Variants in PAPOLG observed in about 807,000 individuals in gnomAD.
The protein encoded by PAPOLG is poly(A) polymerase gamma.
Under a neutral mutation model 99.0 loss-of-function variants are expected in PAPOLG, and 40 were observed. The observed-to-expected ratio is 0.40, with a 90% CI of 0.31 to 0.53. The LOEUF is 0.53. Among genes scored for constraint, PAPOLG ranks in the 20% least tolerant of loss-of-function variants. The probability of loss-of-function intolerance (pLI) is 0.41; values close to 1 mark genes in which losing one functional copy is unlikely to be tolerated. For synonymous variants in PAPOLG, 310 were observed against 299.3 expected (o/e 1.04, Z -0.37); for missense variants, 675 against 884.1 (o/e 0.76, Z 3.00).
chr2:60,768,655 C>A, intron 4 of PAPOLG, 104 bp downstream of exon 4: 1 of 1,319,950 alleles, frequency 7.6e-7, no homozygotes. Flanking sequence ...CTACTTAGAG[C>A]TAATCATTGT....
chr2:60,765,904 A>G (rs1382169110), intron 3 of PAPOLG, among the ~76,000 whole-genome samples: 7 of 152,280 alleles, frequency 4.6e-5, no homozygotes, highest in Non-Finnish European at 8.8e-5. Flanking sequence ...TCTTGAGCCT[A>G]AGAGTTCAAG....
chr2:60,796,388 C>G (rs1273349305), intron 21 of PAPOLG, among the ~76,000 whole-genome samples: 1 of 151,982 alleles, frequency 6.6e-6, no homozygotes. Context: ...ATTCGCCCGC[C>G]TTGGCCTCCC....
chr2:60,760,334 T>C (rs1449997523), intron 2 of PAPOLG, 39 bp downstream of exon 2: 2 of 1,531,768 alleles, frequency 1.3e-6, no homozygotes, highest in Non-Finnish European at 9.0e-7. Context: ...GACAGTGCAT[T>C]ATTTAATCAT....
At chr2:60,770,658 C>T in intron 6 of PAPOLG, 147 bp downstream of exon 6, 1 of 540,890 alleles carries the variant, frequency 1.8e-6, no homozygotes, top group Non-Finnish European at 3.2e-6. Context: ...GGGTCTAACT[C>T]TATGGCCAAG....
Position 60,791,816 on chromosome 2 carries a change from A to C in PAPOLG, c.1452A>C (p.Ala484=), listed in dbSNP as rs1418072003. The part of the protein sequence containing the change: ...NMLKEGMKIE[A]THVKKKQLHH... ...TAAAGGAGGGAATGAAAATTGAAGC[A>C]ACTCATGTAAAGAAAAAACAACTTC... The change falls in exon 16 of 22, where the codon GCA becomes GCC. Residue 484 remains alanine, a synonymous_variant. Transcript: ENST00000238714. 6.2e-7 allele frequency: 1 copy of C among 1,613,868 alleles called. No individual in the cohort carries two copies. The highest frequency in any genetic ancestry group is 1.7e-5 in the Admixed American group (1 of 59,940).
chr2:60,795,323 C>T (rs1290582544), intron 21 of PAPOLG: 1 of 521,456 alleles, frequency 1.9e-6, no homozygotes, highest in South Asian at 1.5e-5. Context: ...TAATTTCTTA[C>T]CAAGCACCTG....
rs760249663 is a variant in PAPOLG, at chr2:60,793,649, G to A, written c.1702G>A (p.Val568Ile). ...TAGGAATAGTGCTGAGCCTGCTGCTGTAATTGTGGAGAAGCCACTGAGTGT... is the reference window on the plus strand; with the variant it reads ...TAGGAATAGTGCTGAGCCTGCTGCTATAATTGTGGAGAAGCCACTGAGTGT... ...TERNSAEPAA[V>I]IVEKPLSVPP... Residue 568 changes from valine (V) to isoleucine (I), a missense_variant, in exon 18 of 22, where the codon GTA (valine) becomes ATA (isoleucine). Around this residue, in one of 3 missense-constraint regions of PAPOLG, gnomAD observed 413 missense variants for 460.5 expected, o/e 0.90. Coordinates refer to ENST00000238714, the MANE Select transcript of PAPOLG (RefSeq NM_022894.4). 6 of 1,613,860 alleles carry A rather than the reference G, an allele frequency of 3.7e-6. No individual in the cohort carries two copies. In the South Asian group the frequency reaches 6.6e-5, roughly 18 times the overall value.
At chr2:60,769,894 A>G (rs1391944655) in intron 5 of PAPOLG, among the ~76,000 whole-genome samples, 1 of 151,974 alleles carries the variant, frequency 6.6e-6, no homozygotes, top group Non-Finnish European at 1.5e-5. Context: ...TGCATTAGGT[A>G]TTTGTCGTAA....
At chr2:60,774,297 G>A (rs572806324) in intron 7 of PAPOLG, among the ~76,000 whole-genome samples, 4 of 150,994 alleles carry the variant, frequency 2.6e-5, no homozygotes, top group East Asian at 2.0e-4. Flanking sequence ...AAAAGCCTTA[G>A]TATTATTATA....
Position 60,799,504 on chromosome 2 carries a change from G to A in PAPOLG, c.*2344G>A, listed in dbSNP as rs1045121267. The A allele has an allele frequency of 4.6e-5, 7 of 152,300 alleles. No homozygotes were observed. The highest frequency in any genetic ancestry group is 7.3e-5 in the Non-Finnish European group (5 of 68,036). The allele number at this position is 152,300 out of a possible 1,614,324, so 9.4% of individuals were successfully genotyped here. On this transcript the variant is annotated 3_prime_UTR_variant, in exon 22 of 22. Transcript: ENST00000238714. ...GTAGGTAGAACTTTGAGTACATTTC[G>A]TTAACTTGGTGGGAAGCTTCCATTG...
At chr2:60,776,513 C>T (rs183361027) in intron 8 of PAPOLG, among the ~76,000 whole-genome samples, 9 of 150,572 alleles carry the variant, frequency 6.0e-5, no homozygotes, top group East Asian at 2.0e-4. Flanking sequence ...CGGCAACCAC[C>T]GCCTCCTGGG....
At position 60,787,084 on chromosome 2, in the gene PAPOLG, T is replaced by TAA. The variant is rs1214389715; in HGVS notation, c.1286+19_1286+20dup. On this transcript the variant is annotated intron_variant, in intron 14 of 21. Coordinates refer to ENST00000238714, the MANE Select transcript of PAPOLG (RefSeq NM_022894.4). Reference sequence around the variant, plus strand: ...CATAAAGAGTAAGTTAATTGTTTTATAATACTTTATTTCTTAAATAATGTT... The same window carrying TAA: ...CATAAAGAGTAAGTTAATTGTTTTATAAAATACTTTATTTCTTAAATAATGTT... 6.5e-7 allele frequency: 1 copy of TAA among 1,548,706 alleles called. No homozygotes were observed. Among genetic ancestry groups the TAA allele is most frequent in the Non-Finnish European group, 8.7e-7 (1 of 1,143,478 alleles).
chr2:60,760,137 C>A lies in PAPOLG; in HGVS notation c.21C>A (p.Asn7Lys). The change falls in exon 2 of 22, where the codon AAC (asparagine) becomes AAA (lysine). Residue 7 changes from asparagine to lysine, a missense_variant. Physicochemically the swap from Asn to Lys is moderately conservative, Grantham distance 94. Around this residue, in one of 3 missense-constraint regions of PAPOLG, gnomAD observed 149 missense variants for 192.1 expected, o/e 0.78. Transcript: ENST00000238714. ...TTTTTCTTATTTTCTTGAACAGAAA[C>A]ACCGTGCTGGACAGCCAGCGTCAAC... The part of the protein sequence containing the change: MKEMSA[N>K]TVLDSQRQQK... The A allele has an allele frequency of 1.2e-6, 2 of 1,613,240 alleles. 1 individual carries two copies. The highest frequency in any genetic ancestry group is 2.2e-5 in the South Asian group (2 of 90,930).
intron 9 of PAPOLG, 117 bp downstream of exon 9, chr2:60,779,892 G>A (rs1402178145): frequency 5.5e-6 from 5 of 909,776 alleles, no homozygotes; most frequent in Non-Finnish European, 8.0e-6. Context: ...GCTTTGTAAA[G>A]TTGAAAGTAT....
At chr2:60,784,529 C>G (rs1248914826) in intron 13 of PAPOLG, among the ~76,000 whole-genome samples, 2 of 152,150 alleles carry the variant, frequency 1.3e-5, no homozygotes, top group African/African-American at 4.8e-5. Context: ...GTTGTACTTT[C>G]CTTGGGTCTG....
At chr2:60,788,659 T>C (rs993071593) in intron 15 of PAPOLG, among the ~76,000 whole-genome samples, 1 of 152,112 alleles carries the variant, frequency 6.6e-6, no homozygotes, top group Non-Finnish European at 1.5e-5. Flanking sequence ...GAAAGCTCTT[T>C]GTATGTACAA....
At chr2:60,770,436 T>C (rs377367204) in intron 5 of PAPOLG, 22 bp from the exon 6 acceptor site, 19 of 1,578,372 alleles carry the variant, frequency 1.2e-5, no homozygotes, top group South Asian at 2.4e-5. Flanking sequence ...CTATGTGTTA[T>C]AATTGTTTTC....
rs1376157913 is a variant in PAPOLG at position 60,775,881 on chromosome 2, A to C, written c.694+758A>C. Among the ~76,000 whole-genome samples the C allele has an allele frequency of 2.6e-5, 4 of 151,918 alleles. No homozygotes were observed. In the East Asian group the frequency reaches 7.7e-4, roughly 29 times the overall value. On this transcript the variant is annotated intron_variant, in intron 8 of 21. Coordinates refer to ENST00000238714, the MANE Select transcript of PAPOLG (RefSeq NM_022894.4). ...CGGGTTCAAGTGATTCTCCTGCCTC[A>C]GCCTACCAAGTAGCTGGGATTATAG... is the stretch of plus-strand genomic sequence containing the variant.
Position 60,797,526 on chromosome 2 carries a change from G to GGT in PAPOLG, c.*366_*367insGT, listed in dbSNP as rs1553381724. 10 of 169,962 alleles carry GGT rather than the reference G, an allele frequency of 5.9e-5. No individual in the cohort carries two copies. The South Asian group carries it at 1.4e-3, about 23-fold the overall frequency. 10.5% of individuals were successfully genotyped at this position (169,962 alleles called of 1,614,324 possible). On this transcript the variant is annotated 3_prime_UTR_variant, in exon 22 of 22. Coordinates refer to ENST00000238714, the MANE Select transcript of PAPOLG (RefSeq NM_022894.4). ...ACTCCTTTTTTGTTTTGTTTTTTGT[G>GGT]TTTTTCTTTTTTTGTCTTATGTTGT...
Sources: gnomAD v4.1 joint callset for allele counts (sites outside exome capture counted in the v4.1 genomes callset) on GRCh38, gnomAD v4.1.1 for gene constraint, gnomAD v4.1.1 regional missense constraint, MANE v1.5 for transcripts, NCBI Gene and HGNC (gene_info 2026-07-23, HGNC 2026-07-21) for gene names.